ANKRD30BL: variants seen among roughly 807,000 people sequenced by gnomAD.
ANKRD30BL encodes the protein ankyrin repeat domain 30B like.
Under a neutral mutation model 18.4 loss-of-function variants are expected in ANKRD30BL, and 20 were observed. The ratio of observed to expected loss-of-function variants is 1.09; its 90% CI spans 0.77 to 1.58. ANKRD30BL has a LOEUF of 1.58. Ranked by LOEUF, ANKRD30BL falls within the 40% of genes most tolerant of loss-of-function variation. ANKRD30BL has a pLI of 0.00. For synonymous variants in ANKRD30BL, 72 were observed against 100.9 expected (o/e 0.71, Z 1.72); for missense variants, 224 against 268.6 (o/e 0.83, Z 1.16).
At chr2:132,196,029 C>T (rs1350169163) in intron 1 of ANKRD30BL, among the ~76,000 whole-genome samples, 2 of 150,806 alleles carry the variant, frequency 1.3e-5, no homozygotes, top group Non-Finnish European at 2.9e-5. Flanking sequence ...GTAGTCCCAG[C>T]TATTCGGGAG....
intron 1 of ANKRD30BL, among the ~76,000 whole-genome samples, chr2:132,190,934 T>A (rs1678834763): frequency 6.6e-6 from 1 of 152,080 alleles, no homozygotes; most frequent in South Asian, 2.1e-4. Context: ...TGGAAGCAAA[T>A]TAATGTTTTA....
chr2:132,232,036 C>A (rs184422725), intron 1 of ANKRD30BL, among the ~76,000 whole-genome samples: 2,064 of 152,332 alleles, frequency 0.014, 41 homozygotes, highest in African/African-American at 0.047. Flanking sequence ...CCCTGACCCC[C>A]GAGCAGCCTA....
At chr2:132,199,491 CTTTCT>C (rs1233578224) in intron 1 of ANKRD30BL, among the ~76,000 whole-genome samples, 3 of 151,708 alleles carry the variant, frequency 2.0e-5, no homozygotes, top group Admixed American at 6.6e-5. Context: ...TAATTTCTTT[CTTTCT>C]TTTCTTTTCT....
At chr2:132,225,786 G>T (rs2104776473) in intron 1 of ANKRD30BL, among the ~76,000 whole-genome samples, 1 of 152,246 alleles carries the variant, frequency 6.6e-6, no homozygotes, top group African/African-American at 2.4e-5. Context: ...GAATCTGCAA[G>T]TGGACAGTTG....
At chr2:132,187,188 G>GTTTTTTTTTTTTTTTTTTTTTTT (rs1193358076) in intron 1 of ANKRD30BL, among the ~76,000 whole-genome samples, 71 of 90,584 alleles carry the variant, frequency 7.8e-4, no homozygotes, top group Non-Finnish European at 1.1e-3. Flanking sequence ...TTTTTTGTTT[G>GTTTTTTTTTTTTTTTTTTTTTTT]TTTTTTTTTT....
chr2:132,236,932 A>C (rs1205954870), intron 1 of ANKRD30BL, among the ~76,000 whole-genome samples: 6 of 151,868 alleles, frequency 4.0e-5, no homozygotes, highest in African/African-American at 1.5e-4. Flanking sequence ...ACACCATGGA[A>C]TACTATGCAG....
chr2:132,183,032 G>T (rs1170163109), intron 1 of ANKRD30BL, among the ~76,000 whole-genome samples: 2 of 151,904 alleles, frequency 1.3e-5, no homozygotes. Context: ...TATCATAAAT[G>T]ATTTCTAAGG....
intron 1 of ANKRD30BL, among the ~76,000 whole-genome samples, chr2:132,157,701 C>T (rs143551169): frequency 6.6e-6 from 1 of 152,128 alleles, no homozygotes; most frequent in Non-Finnish European, 1.5e-5. Context: ...TATCACTTAA[C>T]CTTTCTCTGC....
intron 1 of ANKRD30BL, among the ~76,000 whole-genome samples, chr2:132,219,372 A>T (rs1679604576): frequency 6.6e-6 from 1 of 152,052 alleles, no homozygotes; most frequent in South Asian, 2.1e-4. Flanking sequence ...TGTGCATTCA[A>T]CTCACAGATT....
intron 1 of ANKRD30BL, among the ~76,000 whole-genome samples, chr2:132,191,059 T>C (rs1678837829): frequency 1.3e-5 from 2 of 152,210 alleles, no homozygotes; most frequent in African/African-American, 2.4e-5. Context: ...ATGAAGATAT[T>C]GAAGCTGTCT....
At chr2:132,165,215 TTA>T (rs1491436573), upstream of ANKRD30BL, among the ~76,000 whole-genome samples, 4 of 133,496 alleles carry the variant, frequency 3.0e-5, no homozygotes, top group Middle Eastern at 3.9e-3. Flanking sequence ...GCCAAATCAT[TTA>T]TTTTTTTAGG....
Position 132,249,780 on chromosome 2 carries a change from T to C in ANKRD30BL, n.441+7749A>G, listed in dbSNP as rs577552556. Among the ~76,000 whole-genome samples, 901 of 152,156 alleles carry C rather than the reference T, an allele frequency of 5.9e-3. 7 individuals are homozygous for C. Among genetic ancestry groups the C allele is most frequent in the Non-Finnish European group, 8.4e-3 (568 of 67,992 alleles). On this transcript the variant is annotated intron_variant and non_coding_transcript_variant, in intron 1 of 4. Coordinates refer to the ANKRD30BL transcript ENST00000470729. The stretch of plus-strand genomic sequence containing the variant: ...TGAATGCACACACAACCAGGAATTT[T>C]CTCAGAAACTTCTGTCAAGTTTTTA...
intron 1 of ANKRD30BL, among the ~76,000 whole-genome samples, chr2:132,167,554 C>A (rs1400887553): frequency 6.6e-6 from 1 of 152,074 alleles, no homozygotes; most frequent in Non-Finnish European, 1.5e-5. Flanking sequence ...GGTGGTCCAC[C>A]CACCTTGGCA....
At chr2:132,182,020 A>G (rs898688296) in intron 1 of ANKRD30BL, among the ~76,000 whole-genome samples, 2 of 152,094 alleles carry the variant, frequency 1.3e-5, no homozygotes, top group African/African-American at 4.8e-5. Context: ...CTGAGGTAGG[A>G]GAATGGCTTT....
In ANKRD30BL at chr2:132,147,926, G is replaced by T; in HGVS notation, c.*205C>A. 2 of 537,766 alleles carry T rather than the reference G, an allele frequency of 3.7e-6. No homozygotes were observed. Among genetic ancestry groups the T allele is most frequent in the Non-Finnish European group, 6.7e-6 (2 of 297,384 alleles). 33.3% of individuals were successfully genotyped at this position (537,766 alleles called of 1,614,324 possible). Reference sequence around the variant, plus strand: ...AGCAGGTGTTAGAGGCTAGAAGGGGGCTGTTTAATGAAACTAGGGGCAAGG... The same window carrying T: ...AGCAGGTGTTAGAGGCTAGAAGGGGTCTGTTTAATGAAACTAGGGGCAAGG... On this transcript the variant is annotated 3_prime_UTR_variant, in exon 6 of 6. Transcript: ENST00000409867.
At chr2:132,191,045 A>G (rs1313699498) in intron 1 of ANKRD30BL, among the ~76,000 whole-genome samples, 1 of 152,212 alleles carries the variant, frequency 6.6e-6, no homozygotes, top group East Asian at 1.9e-4. Flanking sequence ...TGTGGCTACC[A>G]CCAATGAAGA....
At chr2:132,177,166 T>A (rs1324150106) in intron 1 of ANKRD30BL, among the ~76,000 whole-genome samples, 1 of 151,944 alleles carries the variant, frequency 6.6e-6, no homozygotes, top group Non-Finnish European at 1.5e-5. Flanking sequence ...TTTTTTTTTT[T>A]ATTTTTGAGA....
chr2:132,196,615 GTC>G (rs1175583162), intron 1 of ANKRD30BL, among the ~76,000 whole-genome samples: 1 of 152,056 alleles, frequency 6.6e-6, no homozygotes, highest in Non-Finnish European at 1.5e-5. Flanking sequence ...ATGAAACCCT[GTC>G]TCTACTAAAA....
At chr2:132,205,601 C>CA (rs563528186) in intron 1 of ANKRD30BL, among the ~76,000 whole-genome samples, 740 of 64,340 alleles carry the variant, frequency 0.012, 7 homozygotes, top group Middle Eastern at 0.031. Context: ...AACTTCGTCT[C>CA]AAAAAAAAAA....
Sources: gnomAD v4.1 joint callset for allele counts (sites outside exome capture counted in the v4.1 genomes callset) on GRCh38, gnomAD v4.1.1 for gene constraint, MANE v1.5 for transcripts, NCBI Gene and HGNC (gene_info 2026-07-23, HGNC 2026-07-21) for gene names.